Variants in ENOX1 observed in about 807,000 individuals in gnomAD.
The protein encoded by ENOX1 is ecto-NOX disulfide-thiol exchanger 1.
ENOX1 carries 42 observed loss-of-function variants against 82.5 expected under a neutral mutation model. The observed-to-expected ratio is 0.51, with a 90% CI of 0.40 to 0.66. The LOEUF (loss-of-function observed/expected upper bound fraction) is 0.66, where lower values mean the gene tolerates loss of function less well. Ranked by LOEUF, ENOX1 falls within the 30% of genes least tolerant of loss-of-function variation. ENOX1 has a pLI of 0.00. For synonymous variants in ENOX1, 271 were observed against 282.2 expected (o/e 0.96, Z 0.40); for missense variants, 608 against 811.6 (o/e 0.75, Z 3.05).
At chr13:43,329,713 A>G (rs1378819122) in intron 9 of ENOX1, among the ~76,000 whole-genome samples, 2 of 152,096 alleles carry the variant, frequency 1.3e-5, no homozygotes, top group African/African-American at 2.4e-5. Flanking sequence ...TTTTCCCTAT[A>G]CCAATCAAAA....
intron 3 of ENOX1, among the ~76,000 whole-genome samples, chr13:43,481,985 A>G (rs2058523138): frequency 6.6e-6 from 1 of 152,186 alleles, no homozygotes; most frequent in South Asian, 2.1e-4. Context: ...GTTATTATTT[A>G]AAATAATAGA....
At chr13:43,762,355 G>A (rs1951034214) in intron 1 of ENOX1, among the ~76,000 whole-genome samples, 1 of 152,132 alleles carries the variant, frequency 6.6e-6, no homozygotes. Flanking sequence ...CGTTCCACAG[G>A]ACAGCCACGT....
intron 2 of ENOX1, among the ~76,000 whole-genome samples, chr13:43,561,765 G>C (rs2079680970): frequency 6.6e-6 from 1 of 152,048 alleles, no homozygotes; most frequent in Non-Finnish European, 1.5e-5. Context: ...TGAGGCGTGT[G>C]AGCCCAGGAG....
At chr13:43,395,286 G>C (rs1039703391) in intron 5 of ENOX1, among the ~76,000 whole-genome samples, 20 of 152,218 alleles carry the variant, frequency 1.3e-4, no homozygotes, top group Non-Finnish European at 2.6e-4. Context: ...GGAGGCCAAG[G>C]CGGGCAGACC....
At chr13:43,397,971 C>A (rs1352799468) in intron 5 of ENOX1, among the ~76,000 whole-genome samples, 1 of 152,150 alleles carries the variant, frequency 6.6e-6, no homozygotes, top group Admixed American at 6.5e-5. Flanking sequence ...TCAAAGACAG[C>A]CTCTTCTCAT....
intron 14 of ENOX1, among the ~76,000 whole-genome samples, chr13:43,248,321 T>C (rs1189375515): frequency 6.6e-6 from 1 of 152,078 alleles, no homozygotes; most frequent in Non-Finnish European, 1.5e-5. Flanking sequence ...GTCAGTACCC[T>C]GGGCCTGGAG....
At chr13:43,771,446 C>CTAGA (rs1009176549) in intron 1 of ENOX1, among the ~76,000 whole-genome samples, 1 of 152,054 alleles carries the variant, frequency 6.6e-6, no homozygotes, top group African/African-American at 2.4e-5. Flanking sequence ...AATTAGAAGA[C>CTAGA]TAGATGTTCT....
chr13:43,294,617 C>T (rs1317818956), intron 12 of ENOX1, among the ~76,000 whole-genome samples: 2 of 152,214 alleles, frequency 1.3e-5, no homozygotes, highest in East Asian at 1.9e-4. Flanking sequence ...CCAACAATCA[C>T]ATTCCTAGGA....
At chr13:43,351,059 G>C (rs1420739890) in intron 8 of ENOX1, among the ~76,000 whole-genome samples, 1 of 152,204 alleles carries the variant, frequency 6.6e-6, no homozygotes, top group African/African-American at 2.4e-5. Context: ...TGGCTCCAAA[G>C]ATAGCTGGAA....
intron 2 of ENOX1, among the ~76,000 whole-genome samples, chr13:43,635,271 A>T (rs1344523182): frequency 6.6e-6 from 1 of 152,234 alleles, no homozygotes; most frequent in Non-Finnish European, 1.5e-5. Context: ...CATTCAGCTT[A>T]GTTTTATTCA....
intron 2 of ENOX1, among the ~76,000 whole-genome samples, chr13:43,584,089 T>A (rs1280463520): frequency 6.6e-6 from 1 of 152,200 alleles, no homozygotes; most frequent in Non-Finnish European, 1.5e-5. Flanking sequence ...CACAGCAGCA[T>A]GAACTGCACT....
intron 16 of ENOX1, among the ~76,000 whole-genome samples, chr13:43,221,069 A>G (rs770724396): frequency 6.6e-6 from 1 of 152,212 alleles, no homozygotes. Context: ...TGACCTCTCA[A>G]GCTGGTCACA....
intron 5 of ENOX1, among the ~76,000 whole-genome samples, chr13:43,408,392 T>C (rs2053923444): frequency 6.6e-6 from 1 of 152,242 alleles, no homozygotes; most frequent in African/African-American, 2.4e-5. Flanking sequence ...TTTAGAAATA[T>C]CAGAAACTTT....
intron 2 of ENOX1, chr13:43,546,019 C>G (rs2078959010): frequency 6.6e-6 from 1 of 152,108 alleles, no homozygotes; most frequent in Admixed American, 6.5e-5. Context: ...AATCAGCACT[C>G]GAACAAGTCT....
intron 1 of ENOX1, among the ~76,000 whole-genome samples, chr13:43,748,384 C>T (rs1423936313): frequency 6.6e-6 from 1 of 152,158 alleles, no homozygotes; most frequent in Non-Finnish European, 1.5e-5. Context: ...GAAAACATTA[C>T]TTGAGAATCT....
chr13:43,756,009 G>A (rs1950621209), intron 1 of ENOX1, among the ~76,000 whole-genome samples: 1 of 152,306 alleles, frequency 6.6e-6, no homozygotes, highest in South Asian at 2.1e-4. Flanking sequence ...AGACAGTCCA[G>A]TCCACAGACA....
intron 12 of ENOX1, among the ~76,000 whole-genome samples, chr13:43,297,753 G>C (rs867542811): frequency 6.6e-6 from 1 of 152,104 alleles, no homozygotes; most frequent in Non-Finnish European, 1.5e-5. Flanking sequence ...AGTATGCCAG[G>C]ATGAGGTCTG....
At chr13:43,721,472 G>A (rs2088575250) in intron 1 of ENOX1, among the ~76,000 whole-genome samples, 3 of 132,364 alleles carry the variant, frequency 2.3e-5, no homozygotes, top group Admixed American at 8.9e-5. Flanking sequence ...TCCGCCTCCC[G>A]GGTTCACGCC....
chr13:43,523,947 T>A (rs1011938069), intron 2 of ENOX1, among the ~76,000 whole-genome samples: 1 of 152,164 alleles, frequency 6.6e-6, no homozygotes, highest in Admixed American at 6.5e-5. Context: ...GTACCACACT[T>A]AATTTTTTAG....
Sources: gnomAD v4.1 joint callset for allele counts (sites outside exome capture counted in the v4.1 genomes callset) on GRCh38, gnomAD v4.1.1 for gene constraint, MANE v1.5 for transcripts, NCBI Gene and HGNC (gene_info 2026-07-23, HGNC 2026-07-21) for gene names.